The following IGSF21 variants were observed in gnomAD, a reference collection of about 807,000 sequenced individuals.
The protein encoded by IGSF21 is immunoglobin superfamily member 21.
A neutral mutation model predicts 46.8 loss-of-function variants in IGSF21; 28 were observed. That is an observed-to-expected ratio of 0.60 (90% CI 0.44 to 0.82). The LOEUF (loss-of-function observed/expected upper bound fraction) is 0.82. Among genes scored for constraint, IGSF21 ranks in the 40% least tolerant of loss-of-function variants. The pLI, the probability that IGSF21 is intolerant of heterozygous loss-of-function variation, is 0.00. For missense variants in IGSF21, 624 were observed against 665.5 expected (o/e 0.94, Z 0.69); for synonymous variants, 284 against 273.6 (o/e 1.04, Z -0.38).
intron 1 of IGSF21, among the ~76,000 whole-genome samples, chr1:18,122,193 C>CTTTTTTTTTTT (rs766563472): frequency 3.8e-4 from 30 of 78,694 alleles, no homozygotes; most frequent in East Asian, 1.4e-3. Context: ...TTCTTTCTTT[C>CTTTTTTTTTTT]TTTTTTTTTT....
intron 1 of IGSF21, among the ~76,000 whole-genome samples, chr1:18,172,331 T>C (rs2086745310): frequency 6.6e-6 from 1 of 152,246 alleles, no homozygotes; most frequent in Non-Finnish European, 1.5e-5. Context: ...ATATTACTTC[T>C]TGTTACGCTC....
chr1:18,235,365 G>A (rs1159162355), intron 2 of IGSF21, among the ~76,000 whole-genome samples: 1 of 152,200 alleles, frequency 6.6e-6, no homozygotes, highest in Non-Finnish European at 1.5e-5. Flanking sequence ...AGTTTACCAT[G>A]GGGGAGGAGT....
chr1:18,139,586 G>T (rs2086396509), intron 1 of IGSF21, among the ~76,000 whole-genome samples: 2 of 152,202 alleles, frequency 1.3e-5, no homozygotes, highest in Admixed American at 1.3e-4. Flanking sequence ...AGGCAGTGTG[G>T]CTCAGTGGTT....
chr1:18,294,340 A>G (rs1055539655), intron 3 of IGSF21, among the ~76,000 whole-genome samples: 3 of 152,214 alleles, frequency 2.0e-5, no homozygotes, highest in Admixed American at 1.3e-4. Context: ...TTCTCCCACC[A>G]TAAAACAAAA....
At chr1:18,127,003 AC>A (rs2086279167) in intron 1 of IGSF21, among the ~76,000 whole-genome samples, 2 of 152,058 alleles carry the variant, frequency 1.3e-5, no homozygotes, top group African/African-American at 4.8e-5. Context: ...GACCCTCCCC[AC>A]GTACCCCATG....
chr1:18,347,099 T>C (rs541809705), intron 4 of IGSF21, among the ~76,000 whole-genome samples: 1 of 152,268 alleles, frequency 6.6e-6, no homozygotes, highest in East Asian at 1.9e-4. Flanking sequence ...GAACGGTCAC[T>C]TCCCAGCATC....
At chr1:18,325,024 G>C (rs764629759) in intron 3 of IGSF21, among the ~76,000 whole-genome samples, 2 of 152,214 alleles carry the variant, frequency 1.3e-5, no homozygotes, top group Non-Finnish European at 2.9e-5. Context: ...CTGGAGTCTG[G>C]GTCCCACTTT....
At chr1:18,133,447 G>A (rs1184367296) in intron 1 of IGSF21, among the ~76,000 whole-genome samples, 2 of 152,192 alleles carry the variant, frequency 1.3e-5, no homozygotes, top group African/African-American at 2.4e-5. Context: ...CTCTCTGGGC[G>A]CCCCCGCTTC....
At chr1:18,114,438 G>C (rs1001819782) in intron 1 of IGSF21, 9 of 152,204 alleles carry the variant, frequency 5.9e-5, no homozygotes, top group African/African-American at 2.2e-4. Flanking sequence ...TTTTGAAAAA[G>C]ACTGAGCATG....
intron 1 of IGSF21, among the ~76,000 whole-genome samples, chr1:18,161,743 C>T (rs189119323): frequency 6.6e-6 from 1 of 152,126 alleles, no homozygotes. Flanking sequence ...GATACAGTCT[C>T]GCGTGGCGGT....
chr1:18,160,880 G>T (rs1262703445), intron 1 of IGSF21, among the ~76,000 whole-genome samples: 1 of 152,180 alleles, frequency 6.6e-6, no homozygotes, highest in Non-Finnish European at 1.5e-5. Context: ...GACCACAGAG[G>T]GTATGGAGGG....
intron 1 of IGSF21, chr1:18,110,014 C>A (rs987721138): frequency 1.3e-5 from 2 of 152,308 alleles, no homozygotes; most frequent in African/African-American, 4.8e-5. Flanking sequence ...CCCTGGAACC[C>A]GGGAGCAGGG....
chr1:18,183,962 G>T (rs1557576821), intron 1 of IGSF21, among the ~76,000 whole-genome samples: 2 of 152,152 alleles, frequency 1.3e-5, no homozygotes, highest in Non-Finnish European at 2.9e-5. Context: ...AGTAGGTTCT[G>T]CCCACAGAGA....
At position 18,356,221 on chromosome 1, in the gene IGSF21, G is replaced by A. The variant is rs187512396; in HGVS notation, c.425-5894G>A. 5.3e-5 allele frequency among the ~76,000 whole-genome samples: 8 copies of A among 152,260 alleles called. No individual in the cohort carries two copies. The East Asian group carries it at 1.5e-3, about 29-fold the overall frequency. On this transcript the variant is annotated intron_variant, in intron 4 of 9. Coordinates refer to ENST00000251296, the MANE Select transcript of IGSF21 (RefSeq NM_032880.5). ...GCCTGCTTGGTGTCTCTTCACCTTA[G>A]AAGGGTCATTTCAGATGAATGGTGC...
rs867462927 is a variant in IGSF21, at chr1:18,376,933, G to A, written c.1235G>A (p.Arg412His). The change falls in exon 8 of 10, where the codon CGC (arginine) becomes CAC (histidine). Residue 412 changes from arginine (R) to histidine (H), a missense_variant. By Grantham distance (29) the Arg-to-His change is conservative. Transcript: ENST00000251296. ...GCCGAGCTCAATGGCTCCATGTATC[G>A]CTGCACCGCCCAGAACCCACTGGGC... ...VPAELNGSMY[R>H]CTAQNPLGST... 2.4e-5 allele frequency: 38 copies of A among 1,611,844 alleles called. No individual in the cohort carries two copies. The highest frequency in any genetic ancestry group is 1.6e-4 in the Middle Eastern group (1 of 6,072).
intron 4 of IGSF21, among the ~76,000 whole-genome samples, chr1:18,339,196 C>T (rs1205998033): frequency 6.6e-6 from 1 of 152,194 alleles, no homozygotes; most frequent in Non-Finnish European, 1.5e-5. Flanking sequence ...AGCAGAGGCT[C>T]CGAGAGTTTA....
chr1:18,354,620 C>T (rs1050139780), intron 4 of IGSF21, among the ~76,000 whole-genome samples: 1 of 151,998 alleles, frequency 6.6e-6, no homozygotes, highest in East Asian at 1.9e-4. Flanking sequence ...TTGTCTCTCC[C>T]CTCCCCCATC....
chr1:18,200,325 A>G (rs190491218), intron 1 of IGSF21, among the ~76,000 whole-genome samples: 33 of 152,332 alleles, frequency 2.2e-4, no homozygotes, highest in Admixed American at 1.9e-3. Context: ...TCCTACCTGA[A>G]TTAGTTTCCT....
chr1:18,108,068 G>A lies in IGSF21; in HGVS notation c.-61G>A. ...GAGCGCGTCTGAGCCCATGGCGAGG[G>A]GACCCGCCGCCACCGCCTCCACCCC... On this transcript the variant is annotated 5_prime_UTR_variant, in exon 1 of 10. Coordinates refer to ENST00000251296, the MANE Select transcript of IGSF21 (RefSeq NM_032880.5). 1.2e-6 allele frequency: 1 copy of A among 801,062 alleles called. No individual in the cohort carries two copies. The highest frequency in any genetic ancestry group is 1.8e-6 in the Non-Finnish European group (1 of 563,490). 49.6% of individuals were successfully genotyped at this position (801,062 alleles called of 1,614,324 possible).
Sources: allele counts gnomAD v4.1 joint callset (sites outside exome capture counted in the v4.1 genomes callset), GRCh38; gene constraint gnomAD v4.1.1; transcripts MANE v1.5; gene names NCBI Gene and HGNC (gene_info 2026-07-23, HGNC 2026-07-21).